Variants in TRRAP observed in about 807,000 individuals in gnomAD.
TRRAP encodes transformation/transcription domain associated protein.
A neutral mutation model predicts 438.8 loss-of-function variants in TRRAP; 41 were observed. That is an observed-to-expected ratio of 0.09 (90% CI 0.07 to 0.12). The LOEUF is 0.12. TRRAP is among the 10% of genes least tolerant of loss of function. TRRAP has a pLI of 1.00. For missense variants in TRRAP, 3,122 were observed against 5,055.1 expected (o/e 0.62, Z 11.60); for synonymous variants, 1,994 against 1,962.9 (o/e 1.02, Z -0.42).
At chr7:98,973,113 G>A (rs1295522173) in intron 53 of TRRAP, among the ~76,000 whole-genome samples, 1 of 152,078 alleles carries the variant, frequency 6.6e-6, no homozygotes, top group Non-Finnish European at 1.5e-5. Flanking sequence ...CTGAGTAGCT[G>A]GGATTACAGG....
In TRRAP at chr7:98,932,274, C is replaced by T. The variant is rs542553726; in HGVS notation, c.3852+609C>T. ...GACTACAGGTGCCCACCACCACACC[C>T]GGCTAATTTTTTGTATTTTTAGTAG... On this transcript the variant is annotated intron_variant, in intron 26 of 72. Coordinates refer to ENST00000456197, the MANE Select transcript of TRRAP (RefSeq NM_001375524.1). Among the ~76,000 whole-genome samples the T allele has an allele frequency of 3.4e-4, 52 of 151,966 alleles. 1 individual carries two copies. The highest frequency in any genetic ancestry group is 2.6e-4 in the Admixed American group (4 of 15,248).
chr7:98,980,375 A>G (rs1407392124), intron 58 of TRRAP, among the ~76,000 whole-genome samples: 3 of 133,008 alleles, frequency 2.3e-5, no homozygotes, highest in Non-Finnish European at 4.5e-5. Context: ...ATGTCCTTCC[A>G]TCTTTCTAAT....
At chr7:98,957,892 G>A (rs1473389035) in intron 43 of TRRAP, 89 bp from the exon 44 acceptor site, 12 of 1,083,574 alleles carry the variant, frequency 1.1e-5, no homozygotes, top group African/African-American at 3.1e-5. Context: ...GGGAGGTACC[G>A]CATACCCATT....
At chr7:98,909,510 G>A (rs914988280) in intron 14 of TRRAP, among the ~76,000 whole-genome samples, 8 of 152,212 alleles carry the variant, frequency 5.3e-5, no homozygotes, top group African/African-American at 1.9e-4. Flanking sequence ...AAATCAGGCA[G>A]CGCTTGAAAG....
intron 67 of TRRAP, chr7:98,999,245 G>A (rs1793807615): frequency 8.5e-7 from 1 of 1,181,644 alleles, no homozygotes; most frequent in South Asian, 1.2e-5. Flanking sequence ...TGCATTCACT[G>A]CCCAGCTTCT....
chr7:98,930,688 A>G lies in TRRAP; in HGVS notation c.3449A>G (p.Tyr1150Cys). 5 of 1,614,144 alleles carry G rather than the reference A, an allele frequency of 3.1e-6. No individual in the cohort carries two copies. The highest frequency in any genetic ancestry group is 3.4e-6 in the Non-Finnish European group (4 of 1,180,042). Residue 1150 changes from tyrosine to cysteine, a missense_variant, in exon 25 of 73, where the codon TAT becomes TGT. By Grantham distance (194) the Tyr-to-Cys change is radical. Around this residue, in one of 24 missense-constraint regions of TRRAP, gnomAD observed 153 missense variants for 223.0 expected, o/e 0.69. Transcript: ENST00000456197. ...YIVERLCACC[Y>C]EQAWYAKLGG... The stretch of plus-strand genomic sequence containing the variant: ...GTGGAGCGCCTGTGTGCATGTTGTT[A>G]TGAACAGGCGTGGTATGCAAAGCTG...
intron 57 of TRRAP, 101 bp downstream of exon 57, chr7:98,978,424 T>C (rs966912714): frequency 5.4e-6 from 6 of 1,106,774 alleles, no homozygotes; most frequent in Admixed American, 2.4e-5. Flanking sequence ...AAAGAAAGCT[T>C]TGCTACTTTA....
In TRRAP at chr7:98,937,738, C is replaced by T. The variant is rs1554414591; in HGVS notation, c.4322C>T (p.Thr1441Met). 4 of 1,613,930 alleles carry T rather than the reference C, an allele frequency of 2.5e-6. No homozygotes were observed. The highest frequency in any genetic ancestry group is 1.3e-5 in the African/African-American group (1 of 74,912). ...LMMLGDYRSL[T>M]LNVVNRLTSV... ...ATGCTGGGAGATTACCGGAGCTTGA[C>T]GCTGAATGTTGTGAATCGCCTGACT... The change falls in exon 30 of 73, where the codon ACG (threonine) becomes ATG (methionine). Residue 1441 changes from threonine to methionine, a missense_variant. Transcript: ENST00000456197.
chr7:98,960,874 C>T (rs946708068), intron 45 of TRRAP, among the ~76,000 whole-genome samples: 3 of 152,056 alleles, frequency 2.0e-5, no homozygotes, highest in Admixed American at 6.6e-5. Context: ...ACTTCAGCCT[C>T]CCAAAGTGCT....
At position 99,005,828 on chromosome 7, in the gene TRRAP, C is replaced by T. The variant is rs370153953; in HGVS notation, c.10753+480C>T. On this transcript the variant is annotated intron_variant, in intron 69 of 72. Coordinates refer to ENST00000456197, the MANE Select transcript of TRRAP (RefSeq NM_001375524.1). This position sits in a 1 kb window ranked among gnomAD's most constrained non-coding sequence, Gnocchi z 5.1. ...TCTTTTGCACTCTACGGAGTGGGCC[C>T]CTGGAGAGCTGGGGCGTCTCAGTGG... Among the ~76,000 whole-genome samples, 11 of 152,120 alleles carry T rather than the reference C, an allele frequency of 7.2e-5. No individual in the cohort carries two copies. Among genetic ancestry groups the T allele is most frequent in the African/African-American group, 2.2e-4 (9 of 41,506 alleles).
intron 58 of TRRAP, among the ~76,000 whole-genome samples, chr7:98,980,171 T>G (rs759958153): frequency 2.0e-5 from 3 of 152,142 alleles, no homozygotes; most frequent in South Asian, 4.1e-4. Flanking sequence ...TTTGGAAGAG[T>G]AAGATGTCAA....
rs1455847453 is a variant in TRRAP, at chr7:98,946,643, T to G, written c.4548+693T>G. 2.7e-5 allele frequency among the ~76,000 whole-genome samples: 4 copies of G among 148,768 alleles called. No individual in the cohort carries two copies. The East Asian group carries it at 7.9e-4, about 30-fold the overall frequency. ...CACATGCACACACACCACAATGCAC[T>G]GACAACACACATGCACACACAACAC... On this transcript the variant is annotated intron_variant, in intron 33 of 72. Coordinates refer to ENST00000456197, the MANE Select transcript of TRRAP (RefSeq NM_001375524.1).
At chr7:98,971,699 A>G in intron 52 of TRRAP, 100 bp from the exon 53 acceptor site, 1 of 1,474,474 alleles carries the variant, frequency 6.8e-7, no homozygotes, top group South Asian at 1.4e-5. Context: ...ACGAACACGA[A>G]TTTTACCAAA....
intron 67 of TRRAP, among the ~76,000 whole-genome samples, chr7:98,997,483 CA>C (rs61132070): frequency 0.29 from 12,027 of 41,778 alleles, 234 homozygotes; most frequent in Non-Finnish European, 0.3. Context: ...ACTGCTGTTG[CA>C]AAAAAAAAAA....
In TRRAP at chr7:99,000,543, C is replaced by T. The variant is rs573898859; in HGVS notation, c.10310-3647C>T. Among the ~76,000 whole-genome samples, 12 of 152,376 alleles carry T rather than the reference C, an allele frequency of 7.9e-5. No homozygotes were observed. The South Asian group carries it at 2.1e-3, about 26-fold the overall frequency. On this transcript the variant is annotated intron_variant, in intron 67 of 72. Coordinates refer to ENST00000456197, the MANE Select transcript of TRRAP (RefSeq NM_001375524.1). ...TTTCATTCTTCCAGGCCACACTCTG[C>T]GCACTCCAGCCTTGGGGCCAGCCCT...
intron 20 of TRRAP, among the ~76,000 whole-genome samples, chr7:98,921,025 T>C (rs1313217436): frequency 6.6e-6 from 1 of 152,050 alleles, no homozygotes; most frequent in Non-Finnish European, 1.5e-5. Context: ...TTTTAGTAGA[T>C]GGGGTTACTC....
chr7:98,939,732 G>A (rs118162228), intron 30 of TRRAP, among the ~76,000 whole-genome samples: 1,551 of 152,204 alleles, frequency 0.01, 9 homozygotes, highest in Non-Finnish European at 0.016. Context: ...CCTGTATTAC[G>A]GCTGAGGTGC....
chr7:98,911,806 G>C (rs1470568441), intron 17 of TRRAP, among the ~76,000 whole-genome samples: 4 of 151,604 alleles, frequency 2.6e-5, no homozygotes, highest in African/African-American at 9.7e-5. Flanking sequence ...AAATGTATTT[G>C]ATGATGAGGA....
rs905910952 is a variant in TRRAP, at chr7:98,890,453, A to G, written c.261+8A>G. ...CAGGAGAAACCAGCACAGGTAATGTAAAAAAATAACATGAGAAGACAAGGG... is the reference window on the plus strand; with the variant it reads ...CAGGAGAAACCAGCACAGGTAATGTGAAAAAATAACATGAGAAGACAAGGG... On this transcript the variant is annotated splice_region_variant and intron_variant, in intron 4 of 72. Transcript: ENST00000456197. 6.4e-7 allele frequency: 1 copy of G among 1,555,478 alleles called. No homozygotes were observed. Among genetic ancestry groups the G allele is most frequent in the Non-Finnish European group, 8.7e-7 (1 of 1,152,426 alleles).
Sources: allele counts gnomAD v4.1 joint callset (sites outside exome capture counted in the v4.1 genomes callset), GRCh38; gene constraint gnomAD v4.1.1; regional missense constraint gnomAD v4.1.1; non-coding constraint Gnocchi (gnomAD v3.1); transcripts MANE v1.5; gene names NCBI Gene and HGNC (gene_info 2026-07-23, HGNC 2026-07-21).